Variants in RXFP1 observed in about 807,000 individuals in gnomAD.
RXFP1 encodes relaxin receptor 1.
In RXFP1, 73 loss-of-function variants were observed where a neutral mutation model predicts 89.8. That is an observed-to-expected ratio of 0.81 (90% CI 0.67 to 0.99). The LOEUF (loss-of-function observed/expected upper bound fraction) is 0.99, where lower values mean the gene tolerates loss of function less well. Among genes scored for constraint, RXFP1 ranks in the 50% least tolerant of loss-of-function variants. The pLI is 0.00. For missense variants in RXFP1, 793 were observed against 895.5 expected (o/e 0.89, Z 1.46); for synonymous variants, 277 against 305.5 (o/e 0.91, Z 0.97).
intron 2 of RXFP1, among the ~76,000 whole-genome samples, chr4:158,586,115 G>A (rs1408994659): frequency 6.6e-6 from 1 of 152,210 alleles, no homozygotes; most frequent in Non-Finnish European, 1.5e-5. Flanking sequence ...CCAAATAAAT[G>A]AGAGTCTCCA....
chr4:158,562,368 C>CA (rs765068367), intron 1 of RXFP1, among the ~76,000 whole-genome samples: 42 of 149,962 alleles, frequency 2.8e-4, no homozygotes, highest in Non-Finnish European at 5.3e-4. Context: ...ACTAAAAATA[C>CA]AAAAAATTAG....
chr4:158,626,671 G>T, intron 9 of RXFP1, 149 bp from the exon 10 acceptor site: 1 of 433,872 alleles, frequency 2.3e-6, no homozygotes, highest in East Asian at 4.2e-5. Flanking sequence ...TATAATTTCA[G>T]CTGTAATAGA....
At chr4:158,610,754 T>A in intron 6 of RXFP1, 1 of 1,260,880 alleles carries the variant, frequency 7.9e-7, no homozygotes, top group East Asian at 5.6e-5. Context: ...GAGAACACCC[T>A]GAGGTTGTAA....
chr4:158,630,532 G>A (rs1767834922), intron 11 of RXFP1, among the ~76,000 whole-genome samples: 1 of 152,146 alleles, frequency 6.6e-6, no homozygotes, highest in South Asian at 2.1e-4. Context: ...CTTCATGGTG[G>A]CAGTCAGGTG....
At chr4:158,617,265 A>G in intron 9 of RXFP1, 60 bp downstream of exon 9, 1 of 1,206,590 alleles carries the variant, frequency 8.3e-7, no homozygotes, top group African/African-American at 1.5e-5. Context: ...TACCTAATTC[A>G]TTCCAGATAT....
Position 158,544,442 on chromosome 4 carries a change from T to G in RXFP1, c.49+22417T>G, listed in dbSNP as rs2149845714. On this transcript the variant is annotated intron_variant, in intron 1 of 17. Coordinates refer to ENST00000307765, the MANE Select transcript of RXFP1 (RefSeq NM_021634.4). ...AGCTATAATTGACCTTCATCTTTTTTTTTTTAATTTTATTTTATTATTATA... is the reference window on the plus strand; with the variant it reads ...AGCTATAATTGACCTTCATCTTTTTGTTTTTAATTTTATTTTATTATTATA... The G allele has an allele frequency of 1.0e-5, 8 of 779,356 alleles. No homozygotes were observed. The South Asian group carries it at 4.1e-4, about 40-fold the overall frequency. The allele number at this position is 779,356 out of a possible 1,614,324, so 48.3% of individuals were successfully genotyped here. A position where few individuals can be genotyped will look rare whatever the true frequency, so the allele number is the denominator to read the frequency against.
intron 1 of RXFP1, among the ~76,000 whole-genome samples, chr4:158,534,191 T>C (rs972731928): frequency 8.5e-5 from 13 of 152,166 alleles, no homozygotes; most frequent in African/African-American, 2.7e-4. Flanking sequence ...TAATGTGCTT[T>C]ATTCCATGTA....
chr4:158,590,810 T>C (rs1043360293), intron 2 of RXFP1, among the ~76,000 whole-genome samples: 5 of 152,202 alleles, frequency 3.3e-5, no homozygotes, highest in African/African-American at 9.7e-5. Flanking sequence ...ACTCTAGATA[T>C]TTTTGGGAAA....
intron 2 of RXFP1, among the ~76,000 whole-genome samples, chr4:158,587,194 T>C (rs1358281535): frequency 6.6e-6 from 1 of 152,188 alleles, no homozygotes; most frequent in Non-Finnish European, 1.5e-5. Context: ...GGTCGAAGCC[T>C]TCAAACCTTC....
At chr4:158,544,565 A>G (rs1334641484) in intron 1 of RXFP1, among the ~76,000 whole-genome samples, 1 of 152,008 alleles carries the variant, frequency 6.6e-6, no homozygotes, top group East Asian at 1.9e-4. Flanking sequence ...TGTCATTTAC[A>G]TTAGGTATAT....
At chr4:158,627,795 A>G (rs866921434) in intron 10 of RXFP1, among the ~76,000 whole-genome samples, 1 of 152,180 alleles carries the variant, frequency 6.6e-6, no homozygotes, top group South Asian at 2.1e-4. Flanking sequence ...AAAATAGTGT[A>G]TAGTAATTGC....
At chr4:158,564,232 T>G (rs1753100940) in intron 1 of RXFP1, among the ~76,000 whole-genome samples, 1 of 152,132 alleles carries the variant, frequency 6.6e-6, no homozygotes, top group Admixed American at 6.6e-5. Context: ...TTTTACCCCA[T>G]ATCCTGACAG....
intron 1 of RXFP1, among the ~76,000 whole-genome samples, chr4:158,560,851 G>A (rs527493040): frequency 2.6e-5 from 4 of 152,296 alleles, no homozygotes; most frequent in South Asian, 2.1e-4. Context: ...CTCACTGGTC[G>A]GAACTGTGCC....
intron 1 of RXFP1, among the ~76,000 whole-genome samples, chr4:158,547,192 T>C (rs1010501698): frequency 5.9e-5 from 9 of 152,130 alleles, no homozygotes; most frequent in African/African-American, 1.9e-4. Context: ...GTGTATGTTT[T>C]GAGGAATTTA....
rs1434116922 is a variant in RXFP1, at chr4:158,617,219, T to C, written c.755+14T>C. The C allele has an allele frequency of 1.9e-6, 3 of 1,583,948 alleles. No individual in the cohort carries two copies. The highest frequency in any genetic ancestry group is 1.8e-5 in the Admixed American group (1 of 56,972). ...ACTACATTGGCTGTAAGCGATTCTG[T>C]CTTTTTTTAAAGAACTCAACTAAAT... On this transcript the variant is annotated intron_variant, in intron 9 of 17. Transcript: ENST00000307765.
At chr4:158,536,774 A>T (rs373813584) in intron 1 of RXFP1, among the ~76,000 whole-genome samples, 1 of 152,176 alleles carries the variant, frequency 6.6e-6, no homozygotes, top group Admixed American at 6.5e-5. Context: ...GAACAAAGTC[A>T]TATTCTTCCA....
chr4:158,612,100 A>C, intron 6 of RXFP1, 30 bp from the exon 7 acceptor site: 1 of 1,529,254 alleles, frequency 6.5e-7, no homozygotes, highest in Non-Finnish European at 8.9e-7. Context: ...AAAATATACA[A>C]ATTTATTGTA....
intron 9 of RXFP1, among the ~76,000 whole-genome samples, chr4:158,623,116 A>T (rs962017338): frequency 2.6e-5 from 4 of 152,162 alleles, no homozygotes; most frequent in African/African-American, 9.7e-5. Context: ...CCAATAAAAG[A>T]TATCACATTA....
At chr4:158,543,024 T>C (rs1747208745) in intron 1 of RXFP1, among the ~76,000 whole-genome samples, 1 of 152,118 alleles carries the variant, frequency 6.6e-6, no homozygotes, top group Non-Finnish European at 1.5e-5. Flanking sequence ...GTTTAGTAAC[T>C]GGGTAACAAA....
Sources: allele counts gnomAD v4.1 joint callset (sites outside exome capture counted in the v4.1 genomes callset), GRCh38; gene constraint gnomAD v4.1.1; transcripts MANE v1.5; gene names NCBI Gene and HGNC (gene_info 2026-07-23, HGNC 2026-07-21).